Variants in XYLT1 observed in about 807,000 individuals in gnomAD.
XYLT1 encodes xylosyltransferase 1.
XYLT1 carries 36 observed loss-of-function variants against 91.3 expected under a neutral mutation model. The ratio of observed to expected loss-of-function variants is 0.39; its 90% confidence interval spans 0.30 to 0.52. XYLT1 has a LOEUF of 0.52. XYLT1 is among the 20% of genes least tolerant of loss of function. XYLT1 has a pLI of 0.68. For synonymous variants in XYLT1, 588 were observed against 532.0 expected, an observed-to-expected ratio of 1.11 and a Z score of -1.45; for missense variants, 1,242 against 1,284.5, an observed-to-expected ratio of 0.97 and a Z score of 0.51.
intron 1 of XYLT1, among the ~76,000 whole-genome samples, chr16:17,371,818 GAGAC>G (rs1246053691): frequency 6.6e-6 from 1 of 152,206 alleles, no homozygotes; most frequent in African/African-American, 2.4e-5. Context: ...TGTTTATTAA[GAGAC>G]AGAGAGAAAG....
rs183775550 is a variant in XYLT1 at position 17,330,640 on chromosome 16, A to G, written c.402+27372T>C. ...CGTCTCTACTAAAAATAAAAAAAAA[A>G]AAAATTAGCTGGATATGGTGATACA... On this transcript the variant is annotated intron_variant, in intron 2 of 11. Coordinates refer to ENST00000261381, the MANE Select transcript of XYLT1 (RefSeq NM_022166.4). Among the ~76,000 whole-genome samples, 16 of 152,100 alleles carry G rather than the reference A, an allele frequency of 1.1e-4. No homozygotes were observed. In the East Asian group the frequency reaches 2.9e-3, roughly 28 times the overall value.
chr16:17,180,839 T>A (rs1277634616), intron 5 of XYLT1, among the ~76,000 whole-genome samples: 2 of 152,164 alleles, frequency 1.3e-5, no homozygotes, highest in African/African-American at 2.4e-5. Flanking sequence ...GGGAGTCTCA[T>A]GAACCATGAA....
chr16:17,319,315 A>G (rs60566312), intron 2 of XYLT1, among the ~76,000 whole-genome samples: 42,766 of 152,130 alleles, frequency 0.28, 7,428 homozygotes, highest in African/African-American at 0.49. Flanking sequence ...GGTGCAGCAC[A>G]GTACCTTGCC....
intron 1 of XYLT1, among the ~76,000 whole-genome samples, chr16:17,429,210 C>A (rs372764877): frequency 6.6e-6 from 1 of 152,224 alleles, no homozygotes; most frequent in Non-Finnish European, 1.5e-5. Context: ...CACTTTGAAA[C>A]CCCCTCTGTC....
chr16:17,434,110 A>T (rs910252598), intron 1 of XYLT1, among the ~76,000 whole-genome samples: 22 of 152,196 alleles, frequency 1.4e-4, no homozygotes, highest in Non-Finnish European at 2.9e-4. Flanking sequence ...GGGTTTTCTA[A>T]GCCAGGGCTT....
intron 1 of XYLT1, among the ~76,000 whole-genome samples, chr16:17,413,641 T>C (rs1172206005): frequency 6.6e-6 from 1 of 152,078 alleles, no homozygotes; most frequent in Non-Finnish European, 1.5e-5. Flanking sequence ...TTTCGCCATG[T>C]TGCTCAGGCC....
intron 1 of XYLT1, among the ~76,000 whole-genome samples, chr16:17,376,661 C>G (rs2035605133): frequency 1.3e-5 from 2 of 151,806 alleles, no homozygotes; most frequent in Admixed American, 1.3e-4. Context: ...ACCCCGTCTC[C>G]ACTAAAAACA....
At chr16:17,285,199 G>A (rs2034116916) in intron 2 of XYLT1, among the ~76,000 whole-genome samples, 1 of 152,208 alleles carries the variant, frequency 6.6e-6, no homozygotes, top group Non-Finnish European at 1.5e-5. Flanking sequence ...ATGCACAAGT[G>A]ATGGGAATTT....
intron 2 of XYLT1, among the ~76,000 whole-genome samples, chr16:17,342,652 A>G (rs12925222): frequency 0.64 from 96,994 of 151,844 alleles, 31,925 homozygotes; most frequent in African/African-American, 0.76. Context: ...AACCCGGGAG[A>G]CGGAGGTTGC....
chr16:17,235,508 G>A (rs971999560), intron 3 of XYLT1, among the ~76,000 whole-genome samples: 11 of 152,040 alleles, frequency 7.2e-5, no homozygotes, highest in Non-Finnish European at 1.2e-4. Context: ...CTCCAAACTC[G>A]AAGGGCCCCG....
intron 2 of XYLT1, among the ~76,000 whole-genome samples, chr16:17,316,487 C>T (rs374646122): frequency 2.0e-4 from 31 of 152,114 alleles, no homozygotes; most frequent in African/African-American, 7.5e-4. Context: ...GCCTCTACCT[C>T]CTGGGCTCAA....
chr16:17,200,713 G>T, intron 3 of XYLT1, 59 bp from the exon 4 acceptor site: 2 of 1,577,740 alleles, frequency 1.3e-6, no homozygotes, highest in South Asian at 2.3e-5. Flanking sequence ...CCTTTGCAGG[G>T]GTGGGAAGTT....
chr16:17,119,684 G>A (rs1050850964), intron 10 of XYLT1, among the ~76,000 whole-genome samples: 2 of 152,202 alleles, frequency 1.3e-5, no homozygotes, highest in Non-Finnish European at 2.9e-5. Context: ...ATAAAGGGGA[G>A]ACCCTTGTCA....
intron 5 of XYLT1, among the ~76,000 whole-genome samples, chr16:17,197,212 C>T (rs1003100020): frequency 6.6e-6 from 1 of 151,898 alleles, no homozygotes; most frequent in South Asian, 2.1e-4. Flanking sequence ...CCTGCTGTTC[C>T]TCGCACAGGC....
intron 2 of XYLT1, among the ~76,000 whole-genome samples, chr16:17,322,230 C>T (rs2034734845): frequency 6.6e-6 from 1 of 152,110 alleles, no homozygotes; most frequent in African/African-American, 2.4e-5. Context: ...TAGATTTTAG[C>T]CTATTCTGTT....
intron 3 of XYLT1, among the ~76,000 whole-genome samples, chr16:17,211,357 T>C (rs561480005): frequency 2.0e-5 from 3 of 152,262 alleles, no homozygotes; most frequent in South Asian, 4.2e-4. Context: ...GTTTTGATCT[T>C]TCTGGATGAG....
chr16:17,410,340 G>A (rs1479146201), intron 1 of XYLT1, among the ~76,000 whole-genome samples: 1 of 152,202 alleles, frequency 6.6e-6, no homozygotes, highest in Non-Finnish European at 1.5e-5. Context: ...TTTACAAAAA[G>A]AGGTTTATTG....
intron 1 of XYLT1, among the ~76,000 whole-genome samples, chr16:17,437,481 G>A (rs1239991003): frequency 6.6e-6 from 1 of 152,140 alleles, no homozygotes; most frequent in Non-Finnish European, 1.5e-5. Flanking sequence ...GCCACTCCAG[G>A]AAATGGTCCC....
At chr16:17,121,939 A>G (rs962216336) in intron 10 of XYLT1, among the ~76,000 whole-genome samples, 4 of 151,790 alleles carry the variant, frequency 2.6e-5, no homozygotes. Flanking sequence ...GTTCCTTTTT[A>G]TGGCTGAGTA....
Sources: gnomAD v4.1 joint callset for allele counts (sites outside exome capture counted in the v4.1 genomes callset) on GRCh38, gnomAD v4.1.1 for gene constraint, MANE v1.5 for transcripts, NCBI Gene and HGNC (gene_info 2026-07-23, HGNC 2026-07-21) for gene names.